The following FMNL2 variants were observed in gnomAD, a reference collection of about 807,000 sequenced individuals.
The protein encoded by FMNL2 is formin-like protein 2.
A neutral mutation model predicts 130.2 loss-of-function variants in FMNL2; 51 were observed. The ratio of observed to expected loss-of-function variants is 0.39; its 90% CI spans 0.31 to 0.49. The LOEUF (loss-of-function observed/expected upper bound fraction) is 0.49, where lower values mean the gene tolerates loss of function less well. Among genes scored for constraint, FMNL2 ranks in the 20% least tolerant of loss-of-function variants. FMNL2 has a pLI of 0.85. For missense variants in FMNL2, 977 were observed against 1,316.2 expected (o/e 0.74, Z 3.99); for synonymous variants, 465 against 467.1 (o/e 1.00, Z 0.06).
intron 2 of FMNL2, among the ~76,000 whole-genome samples, chr2:152,541,536 A>G (rs1230133928): frequency 1.3e-5 from 2 of 152,224 alleles, no homozygotes; most frequent in African/African-American, 4.8e-5. Context: ...ATCAAGAAAT[A>G]GAACTGCTGG....
intron 1 of FMNL2, among the ~76,000 whole-genome samples, chr2:152,416,185 T>G (rs1220417293): frequency 6.6e-6 from 1 of 152,172 alleles, no homozygotes; most frequent in East Asian, 1.9e-4. Flanking sequence ...TGAAACTTTC[T>G]TCGGTAACCA....
chr2:152,494,222 T>A (rs1691371976), intron 1 of FMNL2, among the ~76,000 whole-genome samples: 1 of 152,180 alleles, frequency 6.6e-6, no homozygotes, highest in Admixed American at 6.5e-5. Context: ...AGCTTTTCCT[T>A]TTGTATGGAG....
At chr2:152,444,751 T>C (rs1369131197) in intron 1 of FMNL2, among the ~76,000 whole-genome samples, 1 of 152,214 alleles carries the variant, frequency 6.6e-6, no homozygotes, top group Non-Finnish European at 1.5e-5. Flanking sequence ...TCAATAATGG[T>C]ATTAAAATAT....
chr2:152,552,096 A>G (rs759378697), intron 4 of FMNL2, among the ~76,000 whole-genome samples: 8 of 152,198 alleles, frequency 5.3e-5, no homozygotes, highest in African/African-American at 9.7e-5. Flanking sequence ...TGCACTTACT[A>G]TGTGACCCAA....
intron 9 of FMNL2, among the ~76,000 whole-genome samples, chr2:152,602,933 G>C (rs973573555): frequency 6.6e-6 from 1 of 152,242 alleles, no homozygotes; most frequent in Non-Finnish European, 1.5e-5. Context: ...CACCCAGTGC[G>C]TGGGGGTGCT....
intron 1 of FMNL2, among the ~76,000 whole-genome samples, chr2:152,362,785 A>T (rs1229078907): frequency 6.6e-6 from 1 of 152,234 alleles, no homozygotes; most frequent in Non-Finnish European, 1.5e-5. Flanking sequence ...CAAAATCAGG[A>T]GTCCCAGCAA....
intron 1 of FMNL2, among the ~76,000 whole-genome samples, chr2:152,354,544 C>T (rs1354426312): frequency 6.6e-6 from 1 of 152,060 alleles, no homozygotes; most frequent in Non-Finnish European, 1.5e-5. Context: ...GTTTGGGTTG[C>T]GTCCTACGTG....
At chr2:152,471,008 T>A (rs929877824) in intron 1 of FMNL2, among the ~76,000 whole-genome samples, 4 of 152,248 alleles carry the variant, frequency 2.6e-5, no homozygotes, top group Non-Finnish European at 5.9e-5. Context: ...TGTTCATTTC[T>A]GTTAGTATGA....
chr2:152,571,738 C>T (rs977481135), intron 6 of FMNL2, among the ~76,000 whole-genome samples: 6 of 152,178 alleles, frequency 3.9e-5, no homozygotes, highest in Non-Finnish European at 7.3e-5. Context: ...GGACCTGATG[C>T]AGGCTGCCTT....
intron 10 of FMNL2, among the ~76,000 whole-genome samples, chr2:152,611,231 C>T (rs570190493): frequency 3.0e-4 from 45 of 152,064 alleles, no homozygotes; most frequent in African/African-American, 9.2e-4. Context: ...CCCAGCTACT[C>T]GGGAGGCCGA....
At chr2:152,512,449 C>T (rs904373878) in intron 1 of FMNL2, among the ~76,000 whole-genome samples, 9 of 152,238 alleles carry the variant, frequency 5.9e-5, no homozygotes, top group Non-Finnish European at 7.4e-5. Flanking sequence ...AGATGGGCTG[C>T]GGGAGAGCTT....
chr2:152,439,043 TTGGC>T (rs1195191852), intron 1 of FMNL2, among the ~76,000 whole-genome samples: 1 of 151,632 alleles, frequency 6.6e-6, no homozygotes, highest in Non-Finnish European at 1.5e-5. Flanking sequence ...ATTCAGATTC[TTGGC>T]TGGCCTGTGA....
intron 1 of FMNL2, among the ~76,000 whole-genome samples, chr2:152,477,465 A>C (rs957141765): frequency 1.3e-5 from 2 of 152,112 alleles, no homozygotes; most frequent in Admixed American, 6.6e-5. Context: ...GTGCTGTTTT[A>C]CCCCCATCCC....
chr2:152,593,860 A>AGAGAGTGTGT (rs1365489869), intron 9 of FMNL2, among the ~76,000 whole-genome samples: 5 of 113,350 alleles, frequency 4.4e-5, no homozygotes, highest in Admixed American at 1.1e-4. Flanking sequence ...AGAGAGAGAG[A>AGAGAGTGTGT]GTGTGTGTGT....
At chr2:152,369,528 C>A (rs1683753524) in intron 1 of FMNL2, among the ~76,000 whole-genome samples, 1 of 152,182 alleles carries the variant, frequency 6.6e-6, no homozygotes, top group Admixed American at 6.5e-5. Flanking sequence ...CCTGCTAATC[C>A]TCAAAATTTG....
chr2:152,348,818 GTTTTTTTTTTTTTT>G (rs1244621847), intron 1 of FMNL2, among the ~76,000 whole-genome samples: 2 of 71,814 alleles, frequency 2.8e-5, no homozygotes, highest in South Asian at 5.9e-4. Flanking sequence ...GCTTCTAAGG[GTTTTTTTTTTTTTT>G]TTTTTTTTTT....
chr2:152,363,380 T>C (rs1321693046), intron 1 of FMNL2, among the ~76,000 whole-genome samples: 1 of 152,216 alleles, frequency 6.6e-6, no homozygotes, highest in African/African-American at 2.4e-5. Context: ...TAAATCCCAA[T>C]GTATGAGGAT....
chr2:152,602,669 C>T lies in FMNL2; in HGVS notation c.877-4670C>T, dbSNP rs149683651. Among the ~76,000 whole-genome samples, 10 of 152,192 alleles carry T rather than the reference C, an allele frequency of 6.6e-5. No individual in the cohort carries two copies. In the East Asian group the frequency reaches 1.2e-3, roughly 18 times the overall value. Reference sequence around the variant, plus strand: ...CTTTTTTATTAAAAAGTTTTTGCACCGTGTATTATCTGGCCTTTGTGGGCA... The same window carrying T: ...CTTTTTTATTAAAAAGTTTTTGCACTGTGTATTATCTGGCCTTTGTGGGCA... On this transcript the variant is annotated intron_variant, in intron 9 of 25. Transcript: ENST00000288670.
intron 1 of FMNL2, among the ~76,000 whole-genome samples, chr2:152,402,153 T>C (rs895185948): frequency 9.9e-5 from 15 of 152,038 alleles, no homozygotes; most frequent in African/African-American, 2.9e-4. Context: ...CCGCCCGCCT[T>C]GGCCTCCCAA....
Sources: allele counts gnomAD v4.1 joint callset (sites outside exome capture counted in the v4.1 genomes callset), GRCh38; gene constraint gnomAD v4.1.1; transcripts MANE v1.5; gene names NCBI Gene and HGNC (gene_info 2026-07-23, HGNC 2026-07-21).